The following RBFOX2 variants were observed in gnomAD, a reference collection of about 807,000 sequenced individuals.
The protein encoded by RBFOX2 is RNA binding fox-1 homolog 2.
Under a neutral mutation model 49.1 loss-of-function variants are expected in RBFOX2, and 10 were observed. The ratio of observed to expected loss-of-function variants is 0.20; its 90% CI spans 0.13 to 0.35. The LOEUF (loss-of-function observed/expected upper bound fraction) is 0.35. Ranked by LOEUF, RBFOX2 falls within the 10% of genes least tolerant of loss-of-function variation. The pLI, the probability that RBFOX2 is intolerant of heterozygous loss-of-function variation, is 1.00. For synonymous variants in RBFOX2, 183 were observed against 187.4 expected (o/e 0.98, Z 0.19); for missense variants, 323 against 486.9 (o/e 0.66, Z 3.17).
chr22:35,934,775 A>AT (rs973950410), intron 1 of RBFOX2, among the ~76,000 whole-genome samples: 3 of 152,200 alleles, frequency 2.0e-5, no homozygotes, highest in African/African-American at 7.2e-5. Flanking sequence ...GCTGATGCAC[A>AT]TAAGTATTCT....
intron 1 of RBFOX2, among the ~76,000 whole-genome samples, chr22:36,023,490 A>C (rs1353482477): frequency 6.6e-6 from 1 of 152,200 alleles, no homozygotes; most frequent in Non-Finnish European, 1.5e-5. Context: ...CTCTTAGAAA[A>C]CTGCACAAAA....
At chr22:35,881,179 G>A (rs2045839684) in intron 1 of RBFOX2, among the ~76,000 whole-genome samples, 1 of 152,150 alleles carries the variant, frequency 6.6e-6, no homozygotes, top group African/African-American at 2.4e-5. Flanking sequence ...CAGGAGAATG[G>A]CGTGAACCTG....
At chr22:35,830,023 G>T (rs959971046) in intron 1 of RBFOX2, among the ~76,000 whole-genome samples, 1 of 152,156 alleles carries the variant, frequency 6.6e-6, no homozygotes, top group Admixed American at 6.5e-5. Flanking sequence ...GCCATGTAAA[G>T]CATCTATTTC....
At chr22:35,896,366 TC>T (rs1371479519) in intron 1 of RBFOX2, among the ~76,000 whole-genome samples, 1 of 152,056 alleles carries the variant, frequency 6.6e-6, no homozygotes, top group East Asian at 1.9e-4. Context: ...TCCTTCCCAC[TC>T]ATTAAAGAAA....
chr22:35,780,791 G>A (rs1055885989), intron 3 of RBFOX2, among the ~76,000 whole-genome samples: 12 of 152,058 alleles, frequency 7.9e-5, no homozygotes, highest in Admixed American at 2.6e-4. Flanking sequence ...GTTCACATGC[G>A]AATAGAATTT....
At chr22:35,980,497 A>G (rs1461281405) in intron 1 of RBFOX2, among the ~76,000 whole-genome samples, 1 of 152,248 alleles carries the variant, frequency 6.6e-6, no homozygotes. Context: ...TGTATGAAAG[A>G]GAACAGAAGT....
intron 1 of RBFOX2, among the ~76,000 whole-genome samples, chr22:35,855,383 T>TC (rs777571506): frequency 1.3e-5 from 2 of 152,140 alleles, no homozygotes; most frequent in African/African-American, 2.4e-5. Flanking sequence ...TCCATACATC[T>TC]CTTTAGCAAA....
intron 2 of RBFOX2, among the ~76,000 whole-genome samples, chr22:35,787,334 G>A (rs1174579635): frequency 6.6e-6 from 1 of 152,096 alleles, no homozygotes; most frequent in East Asian, 1.9e-4. Flanking sequence ...CACTGTGCCT[G>A]GCTAGGTTCT....
intron 1 of RBFOX2, among the ~76,000 whole-genome samples, chr22:35,904,151 CCTT>C (rs757599176): frequency 1.3e-5 from 2 of 152,202 alleles, no homozygotes; most frequent in South Asian, 2.1e-4. Context: ...AAGCCAGGCT[CCTT>C]CTTATCTTTT....
chr22:35,894,630 G>C (rs1236328327), intron 1 of RBFOX2, among the ~76,000 whole-genome samples: 1 of 151,926 alleles, frequency 6.6e-6, no homozygotes, highest in Non-Finnish European at 1.5e-5. Context: ...AACAACATAG[G>C]GGGAGGAAAA....
In RBFOX2 at chr22:36,028,443, G is replaced by C. The variant is rs990328795; in HGVS notation, c.-18C>G. The C allele has an allele frequency of 3.4e-6, 4 of 1,187,634 alleles. No individual in the cohort carries two copies. In the African/African-American group the frequency reaches 6.4e-5, roughly 19 times the overall value. The allele number at this position is 1,187,634 out of a possible 1,614,324, so 73.6% of individuals were successfully genotyped here. On this transcript the variant is annotated 5_prime_UTR_variant, in exon 1 of 14. Transcript: ENST00000438146. ...TCCGCCATCCGCCCGCGCCCCCCTC[G>C]CCTCCGGGAGCCGGGCGACCCGCGA...
At chr22:35,791,333 C>T (rs938203874) in intron 2 of RBFOX2, among the ~76,000 whole-genome samples, 1 of 149,322 alleles carries the variant, frequency 6.7e-6, no homozygotes, top group Admixed American at 6.7e-5. Flanking sequence ...TGCAGTGAGC[C>T]GAGATCGCAC....
At chr22:35,922,136 G>A (rs923191140) in intron 1 of RBFOX2, among the ~76,000 whole-genome samples, 22 of 152,100 alleles carry the variant, frequency 1.4e-4, no homozygotes, top group African/African-American at 5.3e-4. Context: ...TCAGGACCAT[G>A]GAACAAAAAG....
chr22:35,908,772 G>A (rs5755986), intron 1 of RBFOX2, among the ~76,000 whole-genome samples: 4,372 of 151,260 alleles, frequency 0.029, 91 homozygotes, highest in East Asian at 0.042. Context: ...CTATTAAATA[G>A]GCAGAAACTT....
At chr22:35,925,973 CCT>C (rs552032315) in intron 1 of RBFOX2, among the ~76,000 whole-genome samples, 2 of 152,156 alleles carry the variant, frequency 1.3e-5, no homozygotes, top group Non-Finnish European at 1.5e-5. Flanking sequence ...GTTGTATTCC[CCT>C]GTCTCTCTAA....
intron 1 of RBFOX2, among the ~76,000 whole-genome samples, chr22:36,006,657 A>T (rs2058629999): frequency 6.6e-6 from 1 of 152,118 alleles, no homozygotes; most frequent in Non-Finnish European, 1.5e-5. Context: ...CTTTGGGCAA[A>T]TCCCTTGCTC....
At chr22:35,836,317 T>C (rs1214629424) in intron 1 of RBFOX2, 1 of 152,132 alleles carries the variant, frequency 6.6e-6, no homozygotes, top group Non-Finnish European at 1.5e-5. Context: ...AAGCAAAACA[T>C]ACCTGCTCTC....
intron 1 of RBFOX2, among the ~76,000 whole-genome samples, chr22:35,849,541 C>A (rs2041661627): frequency 6.6e-6 from 1 of 152,142 alleles, no homozygotes; most frequent in Non-Finnish European, 1.5e-5. Flanking sequence ...ATAAATCAAA[C>A]AGTATCTAGA....
intron 9 of RBFOX2, among the ~76,000 whole-genome samples, 173 bp from the exon 11 acceptor site, chr22:35,756,317 G>A (rs569528836): frequency 1.3e-5 from 2 of 152,280 alleles, no homozygotes; most frequent in South Asian, 2.1e-4. Flanking sequence ...AAGTGCACAC[G>A]AAGGTTACAC....
Sources: gnomAD v4.1 joint callset for allele counts (sites outside exome capture counted in the v4.1 genomes callset) on GRCh38, gnomAD v4.1.1 for gene constraint, MANE v1.5 for transcripts, NCBI Gene and HGNC (gene_info 2026-07-23, HGNC 2026-07-21) for gene names.